The following HECTD4 variants were observed in gnomAD, a reference collection of about 807,000 sequenced individuals.
The protein encoded by HECTD4 is HECT domain E3 ubiquitin protein ligase 4.
HECTD4 carries 114 observed loss-of-function variants against 471.5 expected under a neutral mutation model. The ratio of observed to expected loss-of-function variants is 0.24; its 90% confidence interval spans 0.21 to 0.28. The LOEUF (loss-of-function observed/expected upper bound fraction) is 0.28. Among genes scored for constraint, HECTD4 ranks in the 10% least tolerant of loss-of-function variants. The pLI, the probability that HECTD4 is intolerant of heterozygous loss-of-function variation, is 1.00. For synonymous variants in HECTD4, 2,012 were observed against 2,256.0 expected, an observed-to-expected ratio of 0.89 and a Z score of 3.07; for missense variants, 3,866 against 5,651.5, an observed-to-expected ratio of 0.68 and a Z score of 10.13.
At chr12:112,189,550 C>CAAAAAAA (rs57209316) in intron 60 of HECTD4, among the ~76,000 whole-genome samples, 460 of 30,438 alleles carry the variant, frequency 0.015, 36 homozygotes, top group African/African-American at 0.037. Context: ...GACTCCGTCT[C>CAAAAAAA]AAAAAAAAAA....
chr12:112,165,545 G>A (rs1272850429), intron 72 of HECTD4, among the ~76,000 whole-genome samples: 1 of 151,848 alleles, frequency 6.6e-6, no homozygotes, highest in Non-Finnish European at 1.5e-5. Context: ...TAGAGACGGG[G>A]TTTCACTGTG....
At chr12:112,328,610 C>A (rs191427715) in intron 1 of HECTD4, among the ~76,000 whole-genome samples, 1 of 152,104 alleles carries the variant, frequency 6.6e-6, no homozygotes, top group African/African-American at 2.4e-5. Context: ...AGCTCTCATG[C>A]GAGCCAAGTA....
chr12:112,353,623 T>G (rs2036283765), intron 1 of HECTD4, among the ~76,000 whole-genome samples: 2 of 151,858 alleles, frequency 1.3e-5, no homozygotes, highest in African/African-American at 2.4e-5. Context: ...AGGTCAGGAG[T>G]TCGATACCAG....
chr12:112,192,518 G>A (rs2032113779), intron 59 of HECTD4, 42 bp downstream of exon 59: 1 of 1,369,610 alleles, frequency 7.3e-7, no homozygotes, highest in Non-Finnish European at 9.8e-7. Context: ...AGAGGAGAAT[G>A]ACTCCAGCTG....
Position 112,363,900 on chromosome 12 carries a change from T to C in HECTD4, c.177+18052A>G, listed in dbSNP as rs542485116. ...CTGAGGCAGGAGAATTGCTTGAACC[T>C]GGGAGGTAGAGGTTGCAGTGAGCAG... On this transcript the variant is annotated intron_variant, in intron 1 of 75. Transcript: ENST00000682272. Among the ~76,000 whole-genome samples the C allele has an allele frequency of 9.2e-5, 13 of 141,780 alleles. No individual in the cohort carries two copies. The East Asian group carries it at 2.8e-3, about 30-fold the overall frequency. The allele number at this position is 141,780 out of a possible 152,430, so 93.0% of individuals were successfully genotyped here. A position where few individuals can be genotyped will look rare whatever the true frequency, so the allele number is the denominator to read the frequency against.
At chr12:112,323,959 T>C (rs919554022) in intron 1 of HECTD4, among the ~76,000 whole-genome samples, 5 of 36,194 alleles carry the variant, frequency 1.4e-4, no homozygotes, top group Non-Finnish European at 2.1e-4. Context: ...TCTTTCTTTC[T>C]TTCTTTCTTC....
rs1248262407 is a variant in HECTD4 at position 112,163,139 on chromosome 12, C to T, written c.13023G>A (p.Glu4341=). The T allele has an allele frequency of 2.5e-6, 4 of 1,613,896 alleles. No individual in the cohort carries two copies. The highest frequency in any genetic ancestry group is 2.7e-5 in the African/African-American group (2 of 74,934). The change falls in exon 75 of 76, where the codon GAG becomes GAA. Residue 4341 remains glutamate (E), a synonymous_variant. Coordinates refer to ENST00000682272, the MANE Select transcript of HECTD4 (RefSeq NM_001388303.1). The surrounding 1 kb of genome is among the most constrained non-coding windows in gnomAD (Gnocchi z 8.2). ...CKFIKFACNQ[E]RIPFTCPCKD... is the part of the protein sequence containing the mutation. Reference sequence around the variant, plus strand: ...TGCAGGGGCAGGTGAACGGGATGCGCTCCTGGTTGCAGGCAAACTTGATGA... The same window carrying T: ...TGCAGGGGCAGGTGAACGGGATGCGTTCCTGGTTGCAGGCAAACTTGATGA...
At chr12:112,340,999 C>T (rs2036044275) in intron 1 of HECTD4, among the ~76,000 whole-genome samples, 1 of 152,180 alleles carries the variant, frequency 6.6e-6, no homozygotes, top group African/African-American at 2.4e-5. Context: ...AAGGTAAGCA[C>T]TCAATAACAT....
At chr12:112,167,667 C>T (rs2031026747) in intron 71 of HECTD4, 129 bp from the exon 72 acceptor site, 2 of 1,026,048 alleles carry the variant, frequency 1.9e-6, no homozygotes, top group African/African-American at 3.2e-5. Context: ...AGAGCTTGCC[C>T]ATCCAGTGAG....
chr12:112,208,608 A>G lies in HECTD4; in HGVS notation c.7890T>C (p.Cys2630=). 6.2e-7 allele frequency: 1 copy of G among 1,600,282 alleles called. No individual in the cohort carries two copies. The highest frequency in any genetic ancestry group is 1.1e-5 in the South Asian group (1 of 88,310). ...CATAGCTGAGCTCGACTTTATAATGACAGGAGGTGTCACTATCATATTCTG... is the reference window on the plus strand; with the variant it reads ...CATAGCTGAGCTCGACTTTATAATGGCAGGAGGTGTCACTATCATATTCTG... ...AQQQYDSDTS[C]HYKVELSYEN... Residue 2630 remains cysteine, a synonymous_variant, in exon 51 of 76, where the codon TGT becomes TGC. Coordinates refer to ENST00000682272, the MANE Select transcript of HECTD4 (RefSeq NM_001388303.1).
Position 112,319,355 on chromosome 12 carries a change from C to T in HECTD4, c.565G>A (p.Ala189Thr). The T allele has an allele frequency of 6.5e-6, 10 of 1,536,132 alleles. No individual in the cohort carries two copies. The highest frequency in any genetic ancestry group is 8.7e-6 in the Non-Finnish European group (10 of 1,146,918). ...CQPLSLTKEPADCLNGIETLL... is the reference protein window; with the variant it reads ...CQPLSLTKEPTDCLNGIETLL... ...GTTTCAATTCCATTGAGACAGTCAG[C>T]AGGCTCCTTGGTCAAGCTCAAAGGC... is the stretch of plus-strand genomic sequence containing the variant. Residue 189 changes from alanine to threonine, a missense_variant, in exon 2 of 76, where the codon GCT becomes ACT. This residue lies in a region of HECTD4 where 440 missense variants were observed against 636.0 expected (regional missense o/e 0.69). Transcript: ENST00000682272. This position sits in a 1 kb window ranked among gnomAD's most constrained non-coding sequence, Gnocchi z 5.3.
chr12:112,264,505 T>C (rs1181820298), intron 16 of HECTD4, among the ~76,000 whole-genome samples: 3 of 152,164 alleles, frequency 2.0e-5, no homozygotes, highest in Admixed American at 6.5e-5. Context: ...ATCTCCATTA[T>C]AGAAGAATAC....
chr12:112,260,662 C>T (rs1330737443), intron 18 of HECTD4, among the ~76,000 whole-genome samples: 3 of 151,776 alleles, frequency 2.0e-5, no homozygotes, highest in Non-Finnish European at 4.4e-5. Flanking sequence ...CTGCAAGCTC[C>T]GCCTCCCAGG....
chr12:112,365,784 T>G (rs971601282), intron 1 of HECTD4, among the ~76,000 whole-genome samples: 32 of 149,270 alleles, frequency 2.1e-4, no homozygotes, highest in Non-Finnish European at 3.4e-4. Flanking sequence ...TTTTTTTTTT[T>G]TTTTTGAGAC....
At position 112,184,980 on chromosome 12, in the gene HECTD4, T is replaced by C. The variant is rs1356948700; in HGVS notation, c.9986A>G (p.Gln3329Arg). The C allele has an allele frequency of 3.1e-6, 5 of 1,613,066 alleles. No individual in the cohort carries two copies. Among genetic ancestry groups the C allele is most frequent in the Non-Finnish European group, 4.2e-6 (5 of 1,179,636 alleles). Residue 3329 changes from glutamine to arginine, a missense_variant, in exon 61 of 76, where the codon CAG becomes CGG. Physicochemically the swap from Gln to Arg is conservative, Grantham distance 43. Around this residue, in one of 16 missense-constraint regions of HECTD4, gnomAD observed 57 missense variants for 49.8 expected, o/e 1.14. Coordinates refer to ENST00000682272, the MANE Select transcript of HECTD4 (RefSeq NM_001388303.1). The surrounding 1 kb of genome is among the most constrained non-coding windows in gnomAD (Gnocchi z 9.1). ...REKASSSGKR[Q>R]SSRTVDSDPT... ...GTCCGAGTCCACGGTGCGGGAAGAC[T>C]GGCGCTTGCCCGACGAGGAGGCCTT...
chr12:112,261,583 T>G (rs1238329058), intron 17 of HECTD4, 154 bp from the exon 18 acceptor site: 2 of 746,368 alleles, frequency 2.7e-6, no homozygotes, highest in African/African-American at 1.8e-5. Context: ...CTAGAAATAA[T>G]GAGGTGGCCA....
chr12:112,375,948 C>T (rs2036768467), intron 1 of HECTD4, among the ~76,000 whole-genome samples: 2 of 151,082 alleles, frequency 1.3e-5, no homozygotes, highest in African/African-American at 2.4e-5. Flanking sequence ...GGGTGAGGGT[C>T]GCTTGTAATC....
At chr12:112,374,007 A>T (rs1292251430) in intron 1 of HECTD4, among the ~76,000 whole-genome samples, 2 of 150,776 alleles carry the variant, frequency 1.3e-5, no homozygotes, top group Non-Finnish European at 3.0e-5. Context: ...CTGTCTCAAA[A>T]AAAAAAAAAA....
intron 43 of HECTD4, among the ~76,000 whole-genome samples, chr12:112,227,617 A>T (rs970995957): frequency 1.3e-5 from 2 of 152,156 alleles, no homozygotes; most frequent in African/African-American, 4.8e-5. Flanking sequence ...ATATGTATCA[A>T]TGTGGCCTGA....
Sources: allele counts gnomAD v4.1 joint callset (sites outside exome capture counted in the v4.1 genomes callset), GRCh38; gene constraint gnomAD v4.1.1; regional missense constraint gnomAD v4.1.1; non-coding constraint Gnocchi (gnomAD v3.1); transcripts MANE v1.5; gene names NCBI Gene and HGNC (gene_info 2026-07-23, HGNC 2026-07-21).